AUTS2: variants seen among roughly 807,000 people sequenced by gnomAD.
AUTS2 encodes the protein activator of transcription and developmental regulator AUTS2, also known as autism susceptibility gene 2 protein.
A neutral mutation model predicts 112.4 loss-of-function variants in AUTS2; 17 were observed. That is an observed-to-expected ratio of 0.15 (90% CI 0.10 to 0.23). The LOEUF (loss-of-function observed/expected upper bound fraction) is 0.23, where lower values mean the gene tolerates loss of function less well. Among genes scored for constraint, AUTS2 ranks in the 10% least tolerant of loss-of-function variants. AUTS2 has a pLI of 1.00. For missense variants in AUTS2, 1,510 were observed against 1,701.6 expected, an observed-to-expected ratio of 0.89 and a Z score of 1.98; for synonymous variants, 751 against 702.7, an observed-to-expected ratio of 1.07 and a Z score of -1.09.
chr7:70,306,667 A>G (rs1789508548), intron 4 of AUTS2, among the ~76,000 whole-genome samples: 1 of 152,218 alleles, frequency 6.6e-6, no homozygotes, highest in African/African-American at 2.4e-5. Context: ...TAGAACTTTC[A>G]GTCTAGTTTT....
At chr7:70,656,065 A>T (rs183669496) in intron 5 of AUTS2, among the ~76,000 whole-genome samples, 66 of 152,006 alleles carry the variant, frequency 4.3e-4, no homozygotes, top group African/African-American at 1.6e-3. Flanking sequence ...CTTTTTGGGG[A>T]ATATTTATGG....
intron 5 of AUTS2, among the ~76,000 whole-genome samples, chr7:70,604,895 G>T (rs1803650796): frequency 6.6e-6 from 1 of 152,192 alleles, no homozygotes; most frequent in Non-Finnish European, 1.5e-5. Flanking sequence ...TGGGAAATCT[G>T]ATATAAATGG....
At chr7:69,716,930 G>A (rs1798639594) in intron 1 of AUTS2, among the ~76,000 whole-genome samples, 1 of 152,168 alleles carries the variant, frequency 6.6e-6, no homozygotes, top group South Asian at 2.1e-4. Context: ...TAGGAGAGAA[G>A]GGGAGTGAGT....
rs559227757 is a variant in AUTS2 at position 70,352,190 on chromosome 7, G to A, written c.661-83562G>A. Among the ~76,000 whole-genome samples, 5 of 152,288 alleles carry A rather than the reference G, an allele frequency of 3.3e-5. No homozygotes were observed. The South Asian group carries it at 1.0e-3, about 32-fold the overall frequency. ...TCGCTCAAAATGTCACAATTAGTAA[G>A]TCATGAAGCCAGCCAGAACGCATGC... On this transcript the variant is annotated intron_variant, in intron 4 of 18. Coordinates refer to ENST00000342771, the MANE Select transcript of AUTS2 (RefSeq NM_015570.4).
intron 5 of AUTS2, among the ~76,000 whole-genome samples, chr7:70,575,008 G>A (rs1264449761): frequency 6.6e-6 from 1 of 152,198 alleles, no homozygotes; most frequent in Non-Finnish European, 1.5e-5. Context: ...TTGGGAAACA[G>A]GCCCCTGCCG....
intron 2 of AUTS2, among the ~76,000 whole-genome samples, chr7:70,085,169 T>C (rs945639262): frequency 2.0e-5 from 3 of 152,100 alleles, no homozygotes; most frequent in African/African-American, 7.2e-5. Flanking sequence ...GTGAATATAA[T>C]CTATCAACTT....
At chr7:69,839,722 A>G (rs772813231) in intron 1 of AUTS2, among the ~76,000 whole-genome samples, 4 of 152,170 alleles carry the variant, frequency 2.6e-5, no homozygotes, top group Non-Finnish European at 4.4e-5. Context: ...CTTAAGGCAG[A>G]AGAATCACAT....
intron 5 of AUTS2, among the ~76,000 whole-genome samples, chr7:70,488,702 C>G (rs1449775867): frequency 6.6e-6 from 1 of 152,130 alleles, no homozygotes; most frequent in African/African-American, 2.4e-5. Context: ...TCCTCCTGCT[C>G]CCAAACATTC....
At chr7:70,485,606 CA>C (rs1797960937) in intron 5 of AUTS2, among the ~76,000 whole-genome samples, 1 of 151,748 alleles carries the variant, frequency 6.6e-6, no homozygotes. Context: ...ACCTGTACCC[CA>C]AAAAACTATT....
chr7:70,765,216 A>G (rs912182897), intron 8 of AUTS2, among the ~76,000 whole-genome samples: 5 of 152,130 alleles, frequency 3.3e-5, no homozygotes, highest in Admixed American at 3.3e-4. Flanking sequence ...TGTGAATCAG[A>G]CACTGCCCGA....
At chr7:69,847,882 A>G (rs1177935170) in intron 1 of AUTS2, among the ~76,000 whole-genome samples, 1 of 152,078 alleles carries the variant, frequency 6.6e-6, no homozygotes, top group Non-Finnish European at 1.5e-5. Flanking sequence ...CTCTATTCTC[A>G]TCCAAGTACT....
At chr7:70,588,561 G>A (rs1802787969) in intron 5 of AUTS2, among the ~76,000 whole-genome samples, 1 of 152,210 alleles carries the variant, frequency 6.6e-6, no homozygotes, top group South Asian at 2.1e-4. Flanking sequence ...TTTGAAAACA[G>A]ATGAGCTGGT....
At chr7:69,796,834 A>T (rs946776958) in intron 1 of AUTS2, among the ~76,000 whole-genome samples, 1 of 152,080 alleles carries the variant, frequency 6.6e-6, no homozygotes, top group Non-Finnish European at 1.5e-5. Flanking sequence ...TTAATGTTAA[A>T]TATATTGGAA....
At chr7:69,773,956 G>A (rs1219525294) in intron 1 of AUTS2, among the ~76,000 whole-genome samples, 2 of 152,362 alleles carry the variant, frequency 1.3e-5, no homozygotes, top group South Asian at 2.1e-4. Flanking sequence ...AAAGTTGTCT[G>A]CAGGGCCAAG....
At chr7:70,011,960 A>G (rs935908046) in intron 2 of AUTS2, among the ~76,000 whole-genome samples, 3 of 152,032 alleles carry the variant, frequency 2.0e-5, no homozygotes, top group African/African-American at 7.2e-5. Context: ...AGTCTCAGGA[A>G]CCATTGAGTT....
intron 5 of AUTS2, among the ~76,000 whole-genome samples, chr7:70,685,472 CAAAAAAAAAAA>C (rs34403837): frequency 6.1e-5 from 4 of 65,988 alleles, no homozygotes; most frequent in Non-Finnish European, 9.7e-5. Context: ...GACTCTGTCT[CAAAAAAAAAAA>C]AAAAAAAAAA....
chr7:70,555,789 G>A (rs1184156453), intron 5 of AUTS2, among the ~76,000 whole-genome samples: 1 of 150,760 alleles, frequency 6.6e-6, no homozygotes, highest in African/African-American at 2.4e-5. Flanking sequence ...CTTGGCTTCT[G>A]GGGAGGCCTC....
chr7:70,158,534 G>C (rs1807905438), intron 4 of AUTS2, among the ~76,000 whole-genome samples: 1 of 152,186 alleles, frequency 6.6e-6, no homozygotes, highest in South Asian at 2.1e-4. Context: ...AAGAGAGGCA[G>C]TATAGGGGAG....
At chr7:69,745,501 G>A (rs1417278190) in intron 1 of AUTS2, among the ~76,000 whole-genome samples, 1 of 152,168 alleles carries the variant, frequency 6.6e-6, no homozygotes, top group Non-Finnish European at 1.5e-5. Context: ...TAATCAGCTT[G>A]CTTTCGTTGA....
Sources: gnomAD v4.1 joint callset for allele counts (sites outside exome capture counted in the v4.1 genomes callset) on GRCh38, gnomAD v4.1.1 for gene constraint, MANE v1.5 for transcripts, NCBI Gene and HGNC (gene_info 2026-07-23, HGNC 2026-07-21) for gene names.